The following FRMPD4 variants were observed in gnomAD, a reference collection of about 807,000 sequenced individuals.
The protein encoded by FRMPD4 is FERM and PDZ domain-containing protein 4.
In FRMPD4, 22 loss-of-function variants were observed where a neutral mutation model predicts 94.1. The ratio of observed to expected loss-of-function variants is 0.23; its 90% confidence interval spans 0.17 to 0.33. The LOEUF is 0.33. Among genes scored for constraint, FRMPD4 ranks in the 10% least tolerant of loss-of-function variants. The probability of loss-of-function intolerance (pLI) is 1.00; values close to 1 mark genes in which losing one functional copy is unlikely to be tolerated. For synonymous variants in FRMPD4, 631 were observed against 548.6 expected (o/e 1.15, Z -2.10); for missense variants, 1,111 against 1,339.9 (o/e 0.83, Z 2.67).
intron 3 of FRMPD4, among the ~76,000 whole-genome samples, chrX:11,959,326 T>G (rs747452575): frequency 2.2e-4 from 25 of 112,280 alleles, no homozygotes; most frequent in Admixed American, 1.9e-3. Flanking sequence ...GAATTTATGC[T>G]GAGCAAGGTG....
chrX:12,050,192 C>G (rs2054809063), intron 3 of FRMPD4, among the ~76,000 whole-genome samples: 2 of 111,719 alleles, frequency 1.8e-5, no homozygotes, highest in Non-Finnish European at 3.8e-5. Context: ...AGTCACCACT[C>G]ACTCACTGAC....
intron 1 of FRMPD4, among the ~76,000 whole-genome samples, chrX:12,275,887 A>G (rs906063212): frequency 7.2e-5 from 8 of 111,685 alleles, no homozygotes; most frequent in African/African-American, 2.6e-4. Context: ...GCTTTGGCCC[A>G]GAAGACGCAG....
Position 12,720,833 on chromosome X carries a change from A to G in FRMPD4, c.4264A>G (p.Lys1422Glu), listed in dbSNP as rs1400375569. 24 of 930,296 alleles carry G rather than the reference A, an allele frequency of 2.6e-5. No individual in the cohort carries two copies. The highest frequency in any genetic ancestry group is 2.9e-5 in the Non-Finnish European group (22 of 750,006). 76.7% of individuals were successfully genotyped at this position (930,296 alleles called of 1,213,427 possible). Residue 1422 changes from lysine to glutamate, a missense_variant, in exon 17 of 17, where the codon AAG (lysine) becomes GAG (glutamate). Physicochemically the swap from Lys to Glu is moderately conservative, Grantham distance 56. Coordinates refer to ENST00000675598, the MANE Select transcript of FRMPD4 (RefSeq NM_001368397.1). ...VDLETFRERT[K>E]GAVSLKCPGI... ...TTTGGAGACCTTCCGAGAGAGAACC[A>G]AGGGTGCAGTCAGCTTAAAGTGTCC...
intron 2 of FRMPD4, among the ~76,000 whole-genome samples, chrX:12,514,832 C>T (rs757739946): frequency 8.9e-6 from 1 of 111,848 alleles, no homozygotes; most frequent in Non-Finnish European, 1.9e-5. Flanking sequence ...GCTGTAAATC[C>T]GTCTGGCCCT....
chrX:12,084,609 A>G (rs1288285585), intron 3 of FRMPD4, among the ~76,000 whole-genome samples: 1 of 112,324 alleles, frequency 8.9e-6, no homozygotes, highest in Non-Finnish European at 1.9e-5. Flanking sequence ...AAAATAATGA[A>G]CATTTTCCAA....
intron 2 of FRMPD4, among the ~76,000 whole-genome samples, chrX:12,575,782 G>C (rs889488363): frequency 9.0e-6 from 1 of 111,493 alleles, no homozygotes; most frequent in African/African-American, 3.3e-5. Flanking sequence ...GACTTGATGG[G>C]CCATTGCTGG....
chrX:11,855,200 A>T, intron 1 of FRMPD4, among the ~76,000 whole-genome samples: 1 of 111,918 alleles, frequency 8.9e-6, no homozygotes, highest in Non-Finnish European at 1.9e-5. Flanking sequence ...AGCAGGTGGG[A>T]TGCAGGGCAC....
intron 8 of FRMPD4, 148 bp downstream of exon 8, chrX:12,690,474 C>T (rs2060069172): frequency 2.2e-6 from 1 of 452,485 alleles, no homozygotes; most frequent in East Asian, 3.9e-5. Context: ...ATTCTTAATG[C>T]ATTTTACACC....
chrX:12,519,964 A>G (rs1167725396), intron 2 of FRMPD4, among the ~76,000 whole-genome samples: 1 of 112,337 alleles, frequency 8.9e-6, no homozygotes, highest in Non-Finnish European at 1.9e-5. Flanking sequence ...AAAGTGGTAT[A>G]ACTAATGTGG....
chrX:12,255,202 T>A (rs1162565933), intron 1 of FRMPD4, among the ~76,000 whole-genome samples: 2 of 111,885 alleles, frequency 1.8e-5, no homozygotes, highest in Non-Finnish European at 3.8e-5. Context: ...AGTTTGGGGA[T>A]CAGTTTTGAG....
chrX:12,240,258 G>A (rs1171154631), intron 1 of FRMPD4, among the ~76,000 whole-genome samples: 1 of 112,016 alleles, frequency 8.9e-6, no homozygotes, highest in Non-Finnish European at 1.9e-5. Context: ...AAAAAGTTTG[G>A]CAACCTCTAT....
rs2041900701 is a variant in FRMPD4, at chrX:12,707,555, G to A, written c.1374G>A (p.Val458=). The change falls in exon 13 of 17, where the codon GTG becomes GTA. Residue 458 remains valine (V), a synonymous_variant. Transcript: ENST00000675598. ...SHVINTKTNL[V]ALLADFSHVN... is the part of the protein sequence containing the mutation. ...TCATCAACACCAAAACCAATCTGGT[G>A]GCTCTTTTAGCCGACTTTAGCCACG... 2 of 1,208,141 alleles carry A rather than the reference G, an allele frequency of 1.7e-6. No homozygotes were observed. Among genetic ancestry groups the A allele is most frequent in the Admixed American group, 4.4e-5 (2 of 45,878 alleles).
At chrX:12,014,013 GT>G (rs1488265744) in intron 3 of FRMPD4, among the ~76,000 whole-genome samples, 1 of 111,610 alleles carries the variant, frequency 9.0e-6, no homozygotes, top group Non-Finnish European at 1.9e-5. Flanking sequence ...TTTAATTTTA[GT>G]TTTCTTGACA....
At chrX:12,140,578 G>C (rs2055676039) in intron 1 of FRMPD4, among the ~76,000 whole-genome samples, 2 of 112,250 alleles carry the variant, frequency 1.8e-5, no homozygotes, top group Admixed American at 9.4e-5. Context: ...CTGCTAAAGG[G>C]AAAGGGAAGT....
At chrX:12,465,614 T>C (rs180818757) in intron 1 of FRMPD4, among the ~76,000 whole-genome samples, 34 of 112,328 alleles carry the variant, frequency 3.0e-4, no homozygotes, top group African/African-American at 1.1e-3. Flanking sequence ...TGAGGTTTCA[T>C]AAATTCACTG....
chrX:12,526,583 T>C (rs2058226089), intron 2 of FRMPD4, among the ~76,000 whole-genome samples: 2 of 111,608 alleles, frequency 1.8e-5, no homozygotes, highest in African/African-American at 6.5e-5. Context: ...TGGATCCTTT[T>C]CCCTTTTCCC....
At chrX:12,363,698 T>C (rs2056031281) in intron 1 of FRMPD4, among the ~76,000 whole-genome samples, 1 of 112,537 alleles carries the variant, frequency 8.9e-6, no homozygotes, top group African/African-American at 3.2e-5. Flanking sequence ...CTATCATTAA[T>C]GTTATTTGGC....
At chrX:12,610,746 T>TAA (rs2059174880) in intron 3 of FRMPD4, among the ~76,000 whole-genome samples, 1 of 33,256 alleles carries the variant, frequency 3.0e-5, no homozygotes. Flanking sequence ...AGACCCTGTC[T>TAA]CAAAAAAAAA....
chrX:12,285,299 A>G (rs1277418149), intron 1 of FRMPD4, among the ~76,000 whole-genome samples: 2 of 112,016 alleles, frequency 1.8e-5, no homozygotes, highest in East Asian at 5.6e-4. Flanking sequence ...GTTCCCAGAA[A>G]GGATTTTTTA....
Sources: gnomAD v4.1 joint callset for allele counts (sites outside exome capture counted in the v4.1 genomes callset) on GRCh38, gnomAD v4.1.1 for gene constraint, MANE v1.5 for transcripts, NCBI Gene and HGNC (gene_info 2026-07-23, HGNC 2026-07-21) for gene names.